ZSCAN5A: variants seen among roughly 807,000 people sequenced by gnomAD.
ZSCAN5A encodes the protein zinc finger and SCAN domain containing 5A, also known as zinc finger and SCAN domain-containing protein 5A.
A neutral mutation model predicts 23.7 loss-of-function variants in ZSCAN5A; 12 were observed. The ratio of observed to expected loss-of-function variants is 0.51; its 90% CI spans 0.32 to 0.82. The LOEUF (loss-of-function observed/expected upper bound fraction) is 0.82, where lower values mean the gene tolerates loss of function less well. Ranked by LOEUF, ZSCAN5A falls within the 40% of genes least tolerant of loss-of-function variation. ZSCAN5A has a pLI of 0.03. For synonymous variants in ZSCAN5A, 257 were observed against 239.9 expected (o/e 1.07, Z -0.66); for missense variants, 597 against 617.9 (o/e 0.97, Z 0.36).
At chr19:56,260,921 A>C (rs1255530245) in intron 2 of ZSCAN5A, among the ~76,000 whole-genome samples, 1 of 152,146 alleles carries the variant, frequency 6.6e-6, no homozygotes, top group Admixed American at 6.5e-5. Flanking sequence ...AGAAATGGAA[A>C]ATGTGGCTGG....
chr19:56,254,429 T>A (rs1738041290), intron 2 of ZSCAN5A, among the ~76,000 whole-genome samples: 1 of 152,236 alleles, frequency 6.6e-6, no homozygotes, highest in Non-Finnish European at 1.5e-5. Flanking sequence ...GTAGCATGTG[T>A]CACAATGTCC....
chr19:56,322,403 A>C, intron 2 of ZSCAN5A: 5 of 652,766 alleles, frequency 7.7e-6, no homozygotes, highest in Admixed American at 2.2e-5. Flanking sequence ...AGGCCTACAA[A>C]TTTGTCCAGG....
intron 2 of ZSCAN5A, among the ~76,000 whole-genome samples, chr19:56,268,995 T>C (rs2037657886): frequency 6.6e-6 from 1 of 152,158 alleles, no homozygotes; most frequent in Admixed American, 6.6e-5. Flanking sequence ...TATCCTATTA[T>C]ATGGCTATAC....
intron 2 of ZSCAN5A, chr19:56,244,231 G>A (rs759913605): frequency 5.6e-6 from 9 of 1,603,864 alleles, no homozygotes; most frequent in South Asian, 4.4e-5. Flanking sequence ...AGGCTCTGAG[G>A]AAACTCACTG....
chr19:56,259,859 A>G (rs2036991090), intron 2 of ZSCAN5A, among the ~76,000 whole-genome samples: 1 of 152,240 alleles, frequency 6.6e-6, no homozygotes, highest in African/African-American at 2.4e-5. Context: ...CTGTGGTCCC[A>G]GCTACTCAGC....
chr19:56,343,304 A>G lies in ZSCAN5A; in HGVS notation c.-358+19931T>C, dbSNP rs1600295270. The G allele has an allele frequency of 2.9e-5, 20 of 697,282 alleles. No homozygotes were observed. In the East Asian group the frequency reaches 6.5e-4, roughly 23 times the overall value. The allele number at this position is 697,282 out of a possible 1,614,324, so 43.2% of individuals were successfully genotyped here. ...GCCAGGAGAAGCCACTAGTTTCTGA[A>G]GACTACTGGAGTGGTGTGCAAAGTG... On this transcript the variant is annotated intron_variant, in intron 2 of 6. Coordinates refer to the ZSCAN5A transcript ENST00000587340.
At chr19:56,303,457 G>A (rs548606752) in intron 2 of ZSCAN5A, among the ~76,000 whole-genome samples, 4 of 145,770 alleles carry the variant, frequency 2.7e-5, no homozygotes, top group Non-Finnish European at 6.0e-5. Context: ...GACAGAGTGA[G>A]ACTCTGTCTC....
At position 56,224,903 on chromosome 19, in the gene ZSCAN5A, C is replaced by T; in HGVS notation, c.144G>A (p.Arg48=). The change falls in exon 3 of 6, where the codon AGG becomes AGA. Residue 48 remains arginine (R), a synonymous_variant. Transcript: ENST00000683990. ...CCGACTCCTTCGGGCAGCTGAACAT[C>T]CTGAAGTTCACGTGAGAAATCTCAG... is the stretch of plus-strand genomic sequence containing the variant. ...VDPEISHVNF[R]MFSCPKESDP... 6.2e-7 allele frequency: 1 copy of T among 1,614,160 alleles called. No individual in the cohort carries two copies. The highest frequency in any genetic ancestry group is 2.2e-5 in the East Asian group (1 of 44,884).
At chr19:56,365,416 A>T (rs2041758174) in intron 1 of ZSCAN5A, among the ~76,000 whole-genome samples, 1 of 152,178 alleles carries the variant, frequency 6.6e-6, no homozygotes, top group Admixed American at 6.5e-5. Flanking sequence ...TCAACAATAG[A>T]CACGCAGTTT....
At chr19:56,275,622 A>C (rs2038191378) in intron 2 of ZSCAN5A, among the ~76,000 whole-genome samples, 1 of 152,218 alleles carries the variant, frequency 6.6e-6, no homozygotes, top group African/African-American at 2.4e-5. Context: ...TTTTTGATGG[A>C]TAGGAGTGTG....
At chr19:56,318,385 C>T (rs1368921113), upstream of ZSCAN5A, among the ~76,000 whole-genome samples, 1 of 152,150 alleles carries the variant, frequency 6.6e-6, no homozygotes, top group Non-Finnish European at 1.5e-5. Context: ...GGCCATAAAA[C>T]ACCAAGACCT....
intron 2 of ZSCAN5A, among the ~76,000 whole-genome samples, chr19:56,330,016 A>G (rs2041475378): frequency 6.6e-6 from 1 of 152,110 alleles, no homozygotes; most frequent in South Asian, 2.1e-4. Context: ...CCCAGTGTCT[A>G]CTGTTCCCAT....
At chr19:56,244,170 G>C (rs775558874) in intron 2 of ZSCAN5A, 377 of 1,611,302 alleles carry the variant, frequency 2.3e-4, no homozygotes, top group Non-Finnish European at 2.7e-4. Context: ...CCTGAGACTT[G>C]TCACGTGAAC....
At chr19:56,357,581 C>A (rs2041707088) in intron 2 of ZSCAN5A, among the ~76,000 whole-genome samples, 1 of 147,228 alleles carries the variant, frequency 6.8e-6, no homozygotes, top group African/African-American at 2.6e-5. Context: ...CTTCTGTCCA[C>A]ATGAAAAAAA....
At chr19:56,361,280 T>A (rs2041732147) in intron 2 of ZSCAN5A, among the ~76,000 whole-genome samples, 1 of 152,238 alleles carries the variant, frequency 6.6e-6, no homozygotes, top group African/African-American at 2.4e-5. Flanking sequence ...ATTCAACCAT[T>A]GTGAAAGACA....
chr19:56,254,916 T>C (rs1259083898), intron 2 of ZSCAN5A, among the ~76,000 whole-genome samples: 5 of 152,160 alleles, frequency 3.3e-5, no homozygotes, highest in Non-Finnish European at 7.4e-5. Context: ...TTAGCGTTCT[T>C]TATATACTCT....
chr19:56,264,056 C>T (rs2037304150), intron 2 of ZSCAN5A, among the ~76,000 whole-genome samples: 1 of 151,314 alleles, frequency 6.6e-6, no homozygotes, highest in African/African-American at 2.4e-5. Flanking sequence ...TGCAACAGCA[C>T]TATCTTGGCT....
chr19:56,247,937 G>A (rs995492507), intron 2 of ZSCAN5A, among the ~76,000 whole-genome samples: 6 of 152,134 alleles, frequency 3.9e-5, no homozygotes, highest in East Asian at 3.9e-4. Flanking sequence ...TGATCCGCCC[G>A]CCTCACCCTC....
chr19:56,333,856 A>AATATAT (rs149429244), intron 2 of ZSCAN5A, among the ~76,000 whole-genome samples: 2 of 150,158 alleles, frequency 1.3e-5, no homozygotes, highest in African/African-American at 4.9e-5. Context: ...GAAAAAGAAA[A>AATATAT]ATATATATAT....
Sources: gnomAD v4.1 joint callset for allele counts (sites outside exome capture counted in the v4.1 genomes callset) on GRCh38, gnomAD v4.1.1 for gene constraint, MANE v1.5 for transcripts, NCBI Gene and HGNC (gene_info 2026-07-23, HGNC 2026-07-21) for gene names.